Variants in MCM5 observed in about 807,000 individuals in gnomAD.
The protein encoded by MCM5 is DNA replication licensing factor MCM5.
MCM5 carries 46 observed loss-of-function variants against 79.9 expected under a neutral mutation model. The observed-to-expected ratio is 0.58, with a 90% CI of 0.45 to 0.74. The LOEUF (loss-of-function observed/expected upper bound fraction) is 0.74. Among genes scored for constraint, MCM5 ranks in the 30% least tolerant of loss-of-function variants. The pLI is 0.00. For synonymous variants in MCM5, 404 were observed against 390.5 expected (o/e 1.03, Z -0.41); for missense variants, 883 against 1,017.0 (o/e 0.87, Z 1.79).
chr22:35,421,761 G>A (rs892793114), intron 15 of MCM5: 2 of 434,818 alleles, frequency 4.6e-6, no homozygotes, highest in African/African-American at 4.0e-5. Flanking sequence ...CTGCTTCCTA[G>A]AGCTTGTCAG....
In MCM5 at chr22:35,417,871, C is replaced by G; in HGVS notation, c.1703+15C>G. The G allele has an allele frequency of 1.2e-6, 2 of 1,600,752 alleles. No homozygotes were observed. The highest frequency in any genetic ancestry group is 1.7e-6 in the Non-Finnish European group (2 of 1,167,928). On this transcript the variant is annotated intron_variant, in intron 13 of 16. Transcript: ENST00000216122. ...TACTGCCGAGTGTGAGTCCTGGACGCAGGCCCACGGGGGTGAGGTTGCCCA... is the reference window on the plus strand; with the variant it reads ...TACTGCCGAGTGTGAGTCCTGGACGGAGGCCCACGGGGGTGAGGTTGCCCA...
At chr22:35,409,095 T>G (rs1932301805) in intron 6 of MCM5, among the ~76,000 whole-genome samples, 1 of 152,200 alleles carries the variant, frequency 6.6e-6, no homozygotes, top group Admixed American at 6.5e-5. Flanking sequence ...CCCGAGTAGC[T>G]GGGACTACAG....
chr22:35,408,904 C>T (rs1932295674), intron 6 of MCM5, among the ~76,000 whole-genome samples: 1 of 152,182 alleles, frequency 6.6e-6, no homozygotes, highest in South Asian at 2.1e-4. Context: ...GGATGCACAG[C>T]TAGATAACCA....
At chr22:35,450,031 G>A in the MCM5 span, among the ~76,000 whole-genome samples, 1 of 152,146 alleles carries the variant, frequency 6.6e-6, no homozygotes, top group South Asian at 2.1e-4. Context: ...CAATCCTCCT[G>A]CCTCAGCCTC....
chr22:35,409,620 G>A (rs187241833), intron 6 of MCM5: 72 of 152,332 alleles, frequency 4.7e-4, no homozygotes, highest in African/African-American at 1.5e-3. Context: ...AGGGTACTGA[G>A]CTTGGGCCCC....
chr22:35,413,187 C>T (rs571681396), intron 8 of MCM5, among the ~76,000 whole-genome samples: 16 of 152,078 alleles, frequency 1.1e-4, no homozygotes, highest in Middle Eastern at 3.4e-3. Flanking sequence ...GGACTACAGG[C>T]GCCTGCCACC....
At chr22:35,429,294 T>TC (rs1555905931), downstream of MCM5, among the ~76,000 whole-genome samples, 1 of 151,148 alleles carries the variant, frequency 6.6e-6, no homozygotes, top group Non-Finnish European at 1.5e-5. Flanking sequence ...CCAAATCTTT[T>TC]TGAAATGCTA....
At chr22:35,434,903 G>A in the MCM5 span, among the ~76,000 whole-genome samples, 151 of 152,254 alleles carry the variant, frequency 9.9e-4, no homozygotes, top group African/African-American at 3.3e-3. Context: ...TGTAATCCCA[G>A]CACTTTGGAA....
the MCM5 span, among the ~76,000 whole-genome samples, chr22:35,446,656 G>A: frequency 2.6e-5 from 4 of 152,114 alleles, no homozygotes; most frequent in East Asian, 1.9e-4. Flanking sequence ...GTGGCTGCCC[G>A]TCCGCAGTGG....
chr22:35,416,824 G>A lies in MCM5; in HGVS notation c.1590+10G>A. The A allele has an allele frequency of 6.2e-7, 1 of 1,611,684 alleles. No homozygotes were observed. The highest frequency in any genetic ancestry group is 1.1e-5 in the South Asian group (1 of 91,020). On this transcript the variant is annotated intron_variant, in intron 12 of 16. Coordinates refer to ENST00000216122, the MANE Select transcript of MCM5 (RefSeq NM_006739.4). Reference sequence around the variant, plus strand: ...TGAGGAGAGGGATGTGGTACGTCCAGGGGCAGGGCTGGTGGCCATGGGACC... The same window carrying A: ...TGAGGAGAGGGATGTGGTACGTCCAAGGGCAGGGCTGGTGGCCATGGGACC...
chr22:35,416,619 G>T lies in MCM5; in HGVS notation c.1414-19G>T. The T allele has an allele frequency of 6.2e-7, 1 of 1,600,420 alleles. No homozygotes were observed. On this transcript the variant is annotated intron_variant, in intron 11 of 16. Coordinates refer to ENST00000216122, the MANE Select transcript of MCM5 (RefSeq NM_006739.4). ...TCTTTGCCATCTCCTCCCCCTTTTC[G>T]TCGTCTGTCGCCTGTTAGGCTGGGA...
Position 35,424,315 on chromosome 22 carries a change from T to G in MCM5, c.*60T>G. On this transcript the variant is annotated 3_prime_UTR_variant, in exon 17 of 17. Transcript: ENST00000216122. ...ACGCCTCGCCCCTCCTGCCGCTGCC[T>G]GCCATTGACAATGTTGCTGGGACCT... 1 of 1,257,238 alleles carries G rather than the reference T, an allele frequency of 8.0e-7. No homozygotes were observed. The highest frequency in any genetic ancestry group is 1.1e-6 in the Non-Finnish European group (1 of 902,026). The allele number at this position is 1,257,238 out of a possible 1,614,324, so 77.9% of individuals were successfully genotyped here.
rs553895083 is a variant in MCM5, at chr22:35,412,412, G to T, written c.920-98G>T. ...TGTCCTGGCCCTAAGGGCCCTAAGG[G>T]CTCTGCCTTCTGGGAGGTCCCTGAG... is the stretch of plus-strand genomic sequence containing the variant. On this transcript the variant is annotated intron_variant, in intron 7 of 16. Coordinates refer to ENST00000216122, the MANE Select transcript of MCM5 (RefSeq NM_006739.4). 102 of 1,051,716 alleles carry T rather than the reference G, an allele frequency of 9.7e-5. No homozygotes were observed. The East Asian group carries it at 1.9e-3, about 20-fold the overall frequency. 65.1% of individuals were successfully genotyped at this position (1,051,716 alleles called of 1,614,324 possible). A position where few individuals can be genotyped will look rare whatever the true frequency, so the allele number is the denominator to read the frequency against.
intron 4 of MCM5, 133 bp downstream of exon 4, chr22:35,403,675 CGTTT>C (rs1284502540): frequency 7.8e-6 from 9 of 1,149,912 alleles, no homozygotes; most frequent in Non-Finnish European, 2.4e-6. Flanking sequence ...ACAAAAGGAT[CGTTT>C]GTTGTTTTTT....
chr22:35,415,766 T>G, intron 9 of MCM5, 63 bp from the exon 10 acceptor site: 1 of 1,570,280 alleles, frequency 6.4e-7, no homozygotes, highest in South Asian at 1.1e-5. Context: ...GTGGGTCTTT[T>G]TGTCTTATGG....
chr22:35,421,783 C>G (rs1420422932), intron 15 of MCM5: 2 of 394,162 alleles, frequency 5.1e-6, no homozygotes, highest in Non-Finnish European at 9.7e-6. Context: ...ATTTTCAGTG[C>G]TTCCAGAGTT....
chr22:35,443,656 G>T, the MCM5 span, among the ~76,000 whole-genome samples: 1 of 152,168 alleles, frequency 6.6e-6, no homozygotes, highest in Non-Finnish European at 1.5e-5. Context: ...TCCAAATGCA[G>T]CCTGCTTGGA....
At chr22:35,428,922 A>G (rs546222082), downstream of MCM5, among the ~76,000 whole-genome samples, 13 of 140,230 alleles carry the variant, frequency 9.3e-5, no homozygotes, top group East Asian at 1.9e-3. Context: ...CCTCCCAAGT[A>G]GCTGGGACTA....
intron 1 of MCM5, 108 bp downstream of exon 1, chr22:35,400,316 G>A: frequency 8.6e-7 from 1 of 1,163,626 alleles, no homozygotes; most frequent in Non-Finnish European, 1.3e-6. Context: ...TTGGAGTCCG[G>A]GAGCGCGGCC....
Sources: allele counts gnomAD v4.1 joint callset (sites outside exome capture counted in the v4.1 genomes callset), GRCh38; gene constraint gnomAD v4.1.1; transcripts MANE v1.5; gene names NCBI Gene and HGNC (gene_info 2026-07-23, HGNC 2026-07-21).